The following STARD8 variants were observed in gnomAD, a reference collection of about 807,000 sequenced individuals.
STARD8 encodes StAR related lipid transfer domain containing 8.
Under a neutral mutation model 69.4 loss-of-function variants are expected in STARD8, and 25 were observed. The observed-to-expected ratio is 0.36, with a 90% CI of 0.26 to 0.50. The LOEUF (loss-of-function observed/expected upper bound fraction) is 0.50. Among genes scored for constraint, STARD8 ranks in the 20% least tolerant of loss-of-function variants. The probability of loss-of-function intolerance (pLI) is 0.96; values close to 1 mark genes in which losing one functional copy is unlikely to be tolerated. For synonymous variants in STARD8, 389 were observed against 374.6 expected (o/e 1.04, Z -0.45); for missense variants, 921 against 932.5 (o/e 0.99, Z 0.16).
Position 68,665,518 on chromosome X carries a change from TGAA to T in STARD8, c.72_74del (p.Lys24del), listed in dbSNP as rs2079677712. 3.3e-6 allele frequency: 4 copies of T among 1,207,221 alleles called. No homozygotes were observed. The South Asian group carries it at 7.2e-5, about 22-fold the overall frequency. ...TTGCAGTGCTTCCCATTGCTGCAGG[TGAA>T]GAAGAACGCTGGTAAGTACACGAGG... On this transcript the variant is annotated inframe_deletion, in exon 2 of 15. Transcript: ENST00000374599.
intron 2 of STARD8, among the ~76,000 whole-genome samples, chrX:68,670,654 G>A (rs770600289): frequency 9.0e-6 from 1 of 111,343 alleles, no homozygotes; most frequent in Admixed American, 9.5e-5. Flanking sequence ...GGAAAGACAG[G>A]TCTGAAAAGG....
Position 68,700,170 on chromosome X carries a change from G to A in STARD8, c.80-12744G>A, listed in dbSNP as rs188437465. Among the ~76,000 whole-genome samples, 8 of 112,083 alleles carry A rather than the reference G, an allele frequency of 7.1e-5. No individual in the cohort carries two copies. The East Asian group carries it at 1.7e-3, about 24-fold the overall frequency. On this transcript the variant is annotated intron_variant, in intron 2 of 14. Transcript: ENST00000374599. Reference sequence around the variant, plus strand: ...GAATCAGACAGTGAGAAATACCAACGTAGCCATTCCTTCCCCTGGCAGTTG... The same window carrying A: ...GAATCAGACAGTGAGAAATACCAACATAGCCATTCCTTCCCCTGGCAGTTG...
chrX:68,686,908 G>T (rs1279461527), intron 2 of STARD8, among the ~76,000 whole-genome samples: 1 of 110,803 alleles, frequency 9.0e-6, no homozygotes, highest in Non-Finnish European at 1.9e-5. Flanking sequence ...TTACTAACAC[G>T]TGGTAGGCGT....
chrX:68,679,292 G>A (rs1241860876), intron 2 of STARD8, among the ~76,000 whole-genome samples: 1 of 111,360 alleles, frequency 9.0e-6, no homozygotes, highest in Admixed American at 9.6e-5. Flanking sequence ...GGTGGGGTAG[G>A]GGTGGGACTT....
chrX:68,723,927 G>A lies in STARD8; in HGVS notation c.3018-18G>A, dbSNP rs368841392. 3.2e-5 allele frequency: 39 copies of A among 1,209,405 alleles called. No homozygotes were observed. Among genetic ancestry groups the A allele is most frequent in the Non-Finnish European group, 4.0e-5 (36 of 894,655 alleles). ...ACCAGCACTAGGAATCTGAGCCTAC[G>A]TGTCCCTTCTCCAATAGGATGTGGC... On this transcript the variant is annotated intron_variant, in intron 13 of 14. Coordinates refer to ENST00000374599, the MANE Select transcript of STARD8 (RefSeq NM_001142503.3).
chrX:68,672,719 C>G (rs960589030), intron 2 of STARD8, among the ~76,000 whole-genome samples: 2 of 104,536 alleles, frequency 1.9e-5, no homozygotes, highest in African/African-American at 8.1e-5. Context: ...CAGCGCCCCA[C>G]CCCCCATGGC....
At chrX:68,673,666 T>C (rs946549272) in intron 2 of STARD8, among the ~76,000 whole-genome samples, 2 of 112,310 alleles carry the variant, frequency 1.8e-5, no homozygotes, top group Non-Finnish European at 3.8e-5. Context: ...GTGGATCATT[T>C]TGGGGTGCCA....
intron 1 of STARD8, among the ~76,000 whole-genome samples, chrX:68,652,923 CATCA>C (rs2079563423): frequency 1.9e-5 from 1 of 51,377 alleles, no homozygotes; most frequent in Admixed American, 2.3e-4. Context: ...CACACACACA[CATCA>C]CACACACCAC....
intron 2 of STARD8, among the ~76,000 whole-genome samples, chrX:68,703,668 CT>C (rs1352677050): frequency 8.9e-6 from 1 of 112,003 alleles, no homozygotes; most frequent in African/African-American, 3.2e-5. Context: ...TATATTTGGC[CT>C]GAGCAAAAGG....
chrX:68,648,204 T>G (rs1441771214), intron 1 of STARD8, among the ~76,000 whole-genome samples: 2 of 112,191 alleles, frequency 1.8e-5, no homozygotes, highest in Non-Finnish European at 3.8e-5. Context: ...GGCAAGATAC[T>G]TAACCTCTCT....
intron 8 of STARD8, 31 bp from the exon 9 acceptor site, chrX:68,720,893 C>T (rs775198735): frequency 8.4e-7 from 1 of 1,186,046 alleles, no homozygotes; most frequent in Admixed American, 2.2e-5. Flanking sequence ...TGCATGTTTT[C>T]CTCACTCCCT....
intron 2 of STARD8, among the ~76,000 whole-genome samples, chrX:68,671,651 G>A (rs112479767): frequency 0.09 from 10,128 of 112,172 alleles, 481 homozygotes; most frequent in Non-Finnish European, 0.14. Context: ...AGCCCCACTG[G>A]CTCCAGATGA....
At chrX:68,652,057 C>T (rs1176687762) in intron 1 of STARD8, among the ~76,000 whole-genome samples, 6 of 106,780 alleles carry the variant, frequency 5.6e-5, no homozygotes, top group Non-Finnish European at 1.2e-4. Context: ...AGGGTTTCAC[C>T]GTGTTGGCCA....
chrX:68,656,870 G>A (rs763172455), intron 1 of STARD8, among the ~76,000 whole-genome samples: 3 of 110,896 alleles, frequency 2.7e-5, no homozygotes, highest in Admixed American at 9.6e-5. Context: ...GGGTGGAGGA[G>A]GGGGGAGGGA....
intron 2 of STARD8, among the ~76,000 whole-genome samples, chrX:68,690,436 CG>C (rs969719041): frequency 9.8e-6 from 1 of 101,624 alleles, no homozygotes; most frequent in Non-Finnish European, 1.9e-5. Flanking sequence ...GCAGGCAGGG[CG>C]GGGGGACTGT....
intron 1 of STARD8, among the ~76,000 whole-genome samples, chrX:68,653,453 ACACACACACACCCCACACCC>A (rs1193754896): frequency 1.1e-4 from 2 of 18,572 alleles, no homozygotes; most frequent in Non-Finnish European, 1.0e-4. Context: ...ACCTCACACC[ACACACACACACCCCACACCC>A]CACACACACA....
intron 2 of STARD8, among the ~76,000 whole-genome samples, chrX:68,702,493 A>T (rs1380121813): frequency 4.5e-5 from 5 of 112,266 alleles, no homozygotes; most frequent in African/African-American, 1.3e-4. Flanking sequence ...TTCCTGGCTG[A>T]TAGGAAGTTA....
At chrX:68,699,399 A>AGG (rs1275797848) in intron 2 of STARD8, among the ~76,000 whole-genome samples, 3 of 112,275 alleles carry the variant, frequency 2.7e-5, no homozygotes, top group Non-Finnish European at 5.6e-5. Context: ...GTTTCAAGCA[A>AGG]GTTGCTTTCG....
intron 1 of STARD8, among the ~76,000 whole-genome samples, chrX:68,663,403 G>A (rs2079663183): frequency 8.9e-6 from 1 of 111,903 alleles, no homozygotes; most frequent in African/African-American, 3.3e-5. Flanking sequence ...TTTCACTTCT[G>A]TGCCCCATTT....
Sources: allele counts gnomAD v4.1 joint callset (sites outside exome capture counted in the v4.1 genomes callset), GRCh38; gene constraint gnomAD v4.1.1; transcripts MANE v1.5; gene names NCBI Gene and HGNC (gene_info 2026-07-23, HGNC 2026-07-21).